The following CNDP1 variants were observed in gnomAD, a reference collection of about 807,000 sequenced individuals.
The protein encoded by CNDP1 is beta-Ala-His dipeptidase.
A neutral mutation model predicts 58.1 loss-of-function variants in CNDP1; 44 were observed. The ratio of observed to expected loss-of-function variants is 0.76; its 90% CI spans 0.60 to 0.97. The LOEUF is 0.97. Ranked by LOEUF, CNDP1 falls within the 50% of genes least tolerant of loss-of-function variation. The pLI is 0.00. For synonymous variants in CNDP1, 254 were observed against 252.6 expected, an observed-to-expected ratio of 1.01 and a Z score of -0.05; for missense variants, 616 against 655.1, an observed-to-expected ratio of 0.94 and a Z score of 0.65.
At position 74,583,663 on chromosome 18, in the gene CNDP1, G is replaced by A. The variant is rs370147602; in HGVS notation, c.1412G>A (p.Gly471Glu). The change falls in exon 11 of 12, where the codon GGA becomes GAA. Residue 471 changes from glycine (G) to glutamate (E), a missense_variant. Transcript: ENST00000358821. ...AAGAGCGTGGTGCTAATTCCGCTGGGAGCTGTTGATGATGGAGAACATTCG... is the reference window on the plus strand; with the variant it reads ...AAGAGCGTGGTGCTAATTCCGCTGGAAGCTGTTGATGATGGAGAACATTCG... Reference protein sequence around the residue: ...VHKSVVLIPLGAVDDGEHSQN... With the variant: ...VHKSVVLIPLEAVDDGEHSQN... The A allele has an allele frequency of 9.3e-5, 150 of 1,614,060 alleles. No homozygotes were observed. Among genetic ancestry groups the A allele is most frequent in the Non-Finnish European group, 1.2e-4 (143 of 1,180,034 alleles).
chr18:74,556,497 A>G (rs1456120060), intron 2 of CNDP1, 31 bp downstream of exon 2: 2 of 1,612,250 alleles, frequency 1.2e-6, no homozygotes, highest in Admixed American at 3.3e-5. Context: ...AACTACACAC[A>G]GAATGCTTGG....
chr18:74,573,253 C>A (rs1291477270), intron 7 of CNDP1, among the ~76,000 whole-genome samples: 1 of 150,760 alleles, frequency 6.6e-6, no homozygotes, highest in Admixed American at 6.6e-5. Flanking sequence ...TCTATCCATC[C>A]ATTATCTATC....
At position 74,541,229 on chromosome 18, in the gene CNDP1, G is replaced by C. The variant is rs139354519; in HGVS notation, c.24+6538G>C. 1.8e-3 allele frequency among the ~76,000 whole-genome samples: 278 copies of C among 152,336 alleles called. 1 individual carries two copies. The highest frequency in any genetic ancestry group is 6.0e-3 in the African/African-American group (250 of 41,570). On this transcript the variant is annotated intron_variant, in intron 1 of 11. Transcript: ENST00000358821. ...TGCTGACGCACCTGGGGAAGGAGACGGCAGGTGTGCAGAGGCACCGTTTAG... is the reference window on the plus strand; with the variant it reads ...TGCTGACGCACCTGGGGAAGGAGACCGCAGGTGTGCAGAGGCACCGTTTAG...
At chr18:74,536,995 T>C (rs1980501338) in intron 1 of CNDP1, among the ~76,000 whole-genome samples, 1 of 152,240 alleles carries the variant, frequency 6.6e-6, no homozygotes, top group Admixed American at 6.5e-5. Flanking sequence ...GTTTGTTTTT[T>C]CTTGTAAATT....
chr18:74,547,122 G>A (rs768936524), intron 1 of CNDP1, among the ~76,000 whole-genome samples: 14 of 152,336 alleles, frequency 9.2e-5, no homozygotes, highest in Admixed American at 4.6e-4. Flanking sequence ...GAAATCAACA[G>A]AATCCAGAAA....
In CNDP1 at chr18:74,559,383, C is replaced by A; in HGVS notation, c.214C>A (p.Gln72Lys). Reference sequence around the variant, plus strand: ...TGTCCAGCCTGTGCCTCGCTTCAGACAAGAGCTCTTCAGAATGATGGCCGT... The same window carrying A: ...TGTCCAGCCTGTGCCTCGCTTCAGAAAAGAGCTCTTCAGAATGATGGCCGT... ...DSVQPVPRFR[Q>K]ELFRMMAVAA... The change falls in exon 3 of 12, where the codon CAA (glutamine) becomes AAA (lysine). Residue 72 changes from glutamine (Q) to lysine (K), a missense_variant. Coordinates refer to ENST00000358821, the MANE Select transcript of CNDP1 (RefSeq NM_032649.6). 1 of 1,614,000 alleles carries A rather than the reference C, an allele frequency of 6.2e-7. No individual in the cohort carries two copies. Among genetic ancestry groups the A allele is most frequent in the South Asian group, 1.1e-5 (1 of 91,066 alleles).
In CNDP1 at chr18:74,578,217, G is replaced by C; in HGVS notation, c.1057G>C (p.Glu353Gln). Residue 353 changes from glutamate (E) to glutamine (Q), a missense_variant, in exon 9 of 12, where the codon GAG becomes CAG. Transcript: ENST00000358821. ...CCCATCTCTTTCTATTCATGGGATC[G>C]AGGGCGCGTTTGATGAGCCTGGAAC... Reference protein sequence around the residue: ...RYPSLSIHGIEGAFDEPGTKT... With the variant: ...RYPSLSIHGIQGAFDEPGTKT... The C allele has an allele frequency of 6.2e-7, 1 of 1,614,038 alleles. No individual in the cohort carries two copies. Among genetic ancestry groups the C allele is most frequent in the Non-Finnish European group, 8.5e-7 (1 of 1,180,002 alleles).
chr18:74,573,431 A>ATTCATCCATCCATTCAT (rs565156580), intron 7 of CNDP1, among the ~76,000 whole-genome samples: 6 of 141,768 alleles, frequency 4.2e-5, no homozygotes, highest in Admixed American at 1.4e-4. Flanking sequence ...CATCCATCCA[A>ATTCATCCATCCATTCAT]CTATCTATCT....
intron 1 of CNDP1, among the ~76,000 whole-genome samples, chr18:74,555,676 G>A (rs1317964234): frequency 3.3e-5 from 5 of 152,100 alleles, no homozygotes; most frequent in African/African-American, 1.2e-4. Context: ...GGAGGGGAGA[G>A]GAGGGAGGAG....
rs370458719 is a variant in CNDP1, at chr18:74,578,306, T to C, written c.1146T>C (p.Asn382=). Residue 382 remains asparagine, a synonymous_variant, in exon 9 of 12, where the codon AAT becomes AAC. Coordinates refer to ENST00000358821, the MANE Select transcript of CNDP1 (RefSeq NM_032649.6). Reference sequence around the variant, plus strand: ...CAATCCGTCTAGTCCCTCACATGAATGTGTCTGCGGTGGAAAAACAGGTAA... The same window carrying C: ...CAATCCGTCTAGTCCCTCACATGAACGTGTCTGCGGTGGAAAAACAGGTAA... ...KFSIRLVPHM[N]VSAVEKQVTR... 1.0e-4 allele frequency: 164 copies of C among 1,610,286 alleles called. No individual in the cohort carries two copies. Among genetic ancestry groups the C allele is most frequent in the Non-Finnish European group, 1.4e-4 (161 of 1,178,708 alleles).
At chr18:74,575,081 AAAGG>A (rs1981592946) in intron 7 of CNDP1, among the ~76,000 whole-genome samples, 1 of 150,910 alleles carries the variant, frequency 6.6e-6, no homozygotes, top group Admixed American at 6.6e-5. Flanking sequence ...GGAAGGAAAG[AAAGG>A]AAGGAAGGAA....
At chr18:74,546,298 C>T (rs1391987680) in intron 1 of CNDP1, among the ~76,000 whole-genome samples, 1 of 152,128 alleles carries the variant, frequency 6.6e-6, no homozygotes, top group African/African-American at 2.4e-5. Flanking sequence ...GCGCATTGTT[C>T]CCGTTACCAT....
At position 74,556,366 on chromosome 18, in the gene CNDP1, T is replaced by TGCC; in HGVS notation, c.55_56insCGC (p.Leu18_Leu19insPro). ...GCGTCCCTGCTGGCTGTGCTGCTGC[T>TGCC]GCTGCTGGAGCGCGGCATGTTCTCC... On this transcript the variant is annotated inframe_insertion, in exon 2 of 12. Transcript: ENST00000358821. 1 of 1,614,030 alleles carries TGCC rather than the reference T, an allele frequency of 6.2e-7. No homozygotes were observed. The highest frequency in any genetic ancestry group is 8.5e-7 in the Non-Finnish European group (1 of 1,180,000).
In CNDP1 at chr18:74,564,056, T is replaced by C. The variant is rs370697630; in HGVS notation, c.555+1921T>C. On this transcript the variant is annotated intron_variant, in intron 5 of 11. Coordinates refer to ENST00000358821, the MANE Select transcript of CNDP1 (RefSeq NM_032649.6). ...ACAAATTACTATCCCCCAAAAGCTC[T>C]TATCCAACTGAATGACTGATTTTCT... Among the ~76,000 whole-genome samples the C allele has an allele frequency of 8.1e-4, 123 of 152,372 alleles. 1 individual carries two copies. Among genetic ancestry groups the C allele is most frequent in the African/African-American group, 2.9e-3 (119 of 41,586 alleles).
intron 3 of CNDP1, 42 bp downstream of exon 3, chr18:74,559,514 A>G: frequency 6.4e-7 from 1 of 1,574,260 alleles, no homozygotes. Flanking sequence ...TGCTACTTCT[A>G]GACGTCAGTC....
At chr18:74,569,824 G>A (rs1981425528) in intron 6 of CNDP1, among the ~76,000 whole-genome samples, 1 of 152,066 alleles carries the variant, frequency 6.6e-6, no homozygotes, top group South Asian at 2.1e-4. Context: ...ATACATTGTG[G>A]TATACCTAGC....
At chr18:74,548,704 A>G (rs1413115218) in intron 1 of CNDP1, among the ~76,000 whole-genome samples, 1 of 152,218 alleles carries the variant, frequency 6.6e-6, no homozygotes, top group African/African-American at 2.4e-5. Context: ...AAGATGAGGG[A>G]AAGTTTGCAA....
At chr18:74,568,693 A>AT (rs918925123) in intron 6 of CNDP1, among the ~76,000 whole-genome samples, 5 of 152,136 alleles carry the variant, frequency 3.3e-5, no homozygotes, top group Middle Eastern at 3.4e-3. Context: ...CTTAGCGTCC[A>AT]TTTTTTTCTG....
Position 74,580,149 on chromosome 18 carries a change from A to G in CNDP1, c.1187A>G (p.Asp396Gly). 6.2e-7 allele frequency: 1 copy of G among 1,613,676 alleles called. No homozygotes were observed. The highest frequency in any genetic ancestry group is 8.5e-7 in the Non-Finnish European group (1 of 1,179,710). The change falls in exon 10 of 12, where the codon GAT becomes GGT. Residue 396 changes from aspartate to glycine, a missense_variant. Physicochemically the swap from Asp to Gly is moderately conservative, Grantham distance 94 (BLOSUM62 -1). Coordinates refer to ENST00000358821, the MANE Select transcript of CNDP1 (RefSeq NM_032649.6). ...VEKQVTRHLE[D>G]VFSKRNSSNK... ...TTTTAGGTGACACGACATCTTGAAG[A>G]TGTGTTCTCCAAAAGAAATAGTTCC...
Sources: allele counts gnomAD v4.1 joint callset (sites outside exome capture counted in the v4.1 genomes callset), GRCh38; gene constraint gnomAD v4.1.1; transcripts MANE v1.5; gene names NCBI Gene and HGNC (gene_info 2026-07-23, HGNC 2026-07-21).